The following MTRR variants were observed in gnomAD, a reference collection of about 807,000 sequenced individuals.
MTRR encodes the protein methionine synthase reductase.
MTRR carries 63 observed loss-of-function variants against 79.2 expected under a neutral mutation model. The observed-to-expected ratio is 0.80, with a 90% confidence interval of 0.65 to 0.98. MTRR has a LOEUF of 0.98. MTRR is among the 50% of genes least tolerant of loss of function. The pLI is 0.00. For synonymous variants in MTRR, 355 were observed against 313.3 expected (o/e 1.13, Z -1.41); for missense variants, 895 against 839.6 (o/e 1.07, Z -0.82).
intron 4 of MTRR, among the ~76,000 whole-genome samples, chr5:7,875,808 G>A (rs933538084): frequency 6.6e-6 from 1 of 152,366 alleles, no homozygotes; most frequent in Admixed American, 6.5e-5. Flanking sequence ...GGCCTTCGCT[G>A]CAGGCTGCAT....
Position 7,883,198 on chromosome 5 carries a change from A to G in MTRR, c.824A>G (p.Gln275Arg). The part of the protein sequence containing the change: ...VSVTSADPVF[Q>R]VPISKAVQLT... Reference sequence around the variant, plus strand: ...GTGACTTCAGCAGATCCAGTTTTTCAAGTGCCAATTTCAAAGGCAGTTCAA... The same window carrying G: ...GTGACTTCAGCAGATCCAGTTTTTCGAGTGCCAATTTCAAAGGCAGTTCAA... The change falls in exon 6 of 15, where the codon CAA becomes CGA. Residue 275 changes from glutamine (Q) to arginine (R), a missense_variant. Gln to Arg is a conservative substitution (Grantham distance 43). Coordinates refer to ENST00000440940, the MANE Select transcript of MTRR (RefSeq NM_002454.3). 6.2e-7 allele frequency: 1 copy of G among 1,614,256 alleles called. No homozygotes were observed. Among genetic ancestry groups the G allele is most frequent in the Non-Finnish European group, 8.5e-7 (1 of 1,180,038 alleles).
At chr5:7,867,959 C>T (rs2126620304), upstream of MTRR, 1 of 1,614,092 alleles carries the variant, frequency 6.2e-7, no homozygotes, top group East Asian at 2.2e-5. Flanking sequence ...CAACCAAGGG[C>T]ACAGACGCTC....
intron 14 of MTRR, among the ~76,000 whole-genome samples, chr5:7,898,409 G>C (rs1465234197): frequency 8.2e-6 from 1 of 122,044 alleles, no homozygotes; most frequent in African/African-American, 3.4e-5. Flanking sequence ...TCCAGAAATA[G>C]CTCCTCCCAA....
At chr5:7,868,943 G>A (rs555578280), upstream of MTRR, 12 of 691,866 alleles carry the variant, frequency 1.7e-5, no homozygotes, top group Middle Eastern at 3.8e-4. Context: ...ACACCCAGCC[G>A]GACCAACTGC....
chr5:7,899,813 A>T, intron 14 of MTRR, 101 bp from the exon 15 acceptor site: 1 of 1,435,880 alleles, frequency 7.0e-7, no homozygotes, highest in East Asian at 2.3e-5. Flanking sequence ...CGGAGGGAAG[A>T]ACTATGGTGG....
chr5:7,861,259 C>T, intron 1 of MTRR: 1 of 1,517,444 alleles, frequency 6.6e-7, no homozygotes, highest in Non-Finnish European at 8.9e-7. Flanking sequence ...ATACACAGTG[C>T]TATCCTGAAA....
intron 4 of MTRR, among the ~76,000 whole-genome samples, chr5:7,875,713 A>G (rs549388314): frequency 4.5e-4 from 69 of 152,312 alleles, no homozygotes; most frequent in African/African-American, 1.6e-3. Context: ...TCTCTCTGCC[A>G]TGCACGTGGA....
upstream of MTRR, among the ~76,000 whole-genome samples, chr5:7,865,669 C>T (rs942478470): frequency 6.6e-6 from 1 of 152,108 alleles, no homozygotes; most frequent in African/African-American, 2.4e-5. Flanking sequence ...ATGCCTGCAG[C>T]ACTTGATAAA....
Position 7,896,893 on chromosome 5 carries a change from G to T in MTRR, c.1706G>T (p.Gly569Val). 1 of 1,614,012 alleles carries T rather than the reference G, an allele frequency of 6.2e-7. No homozygotes were observed. Among genetic ancestry groups the T allele is most frequent in the Non-Finnish European group, 8.5e-7 (1 of 1,179,984 alleles). The change falls in exon 13 of 15, where the codon GGA (glycine) becomes GTA (valine). Residue 569 changes from glycine to valine, a missense_variant. By Grantham distance (109) the Gly-to-Val change is moderately radical (BLOSUM62 -3). Transcript: ENST00000440940. ...AAACTCCAAGAACAACACCCAGATGGAAATTTTGGAGCAATGTGGTTGTTT... is the reference window on the plus strand; with the variant it reads ...AAACTCCAAGAACAACACCCAGATGTAAATTTTGGAGCAATGTGGTTGTTT... ...REKLQEQHPD[G>V]NFGAMWLFFG...
intron 2 of MTRR, among the ~76,000 whole-genome samples, chr5:7,862,356 A>G (rs773188996): frequency 1.7e-4 from 26 of 152,184 alleles, no homozygotes; most frequent in Non-Finnish European, 3.4e-4. Flanking sequence ...ACATGTGGCT[A>G]CTGAGCACTT....
rs747621308 is a variant in MTRR, at chr5:7,883,189, C to A, written c.815C>A (p.Pro272Gln). The change falls in exon 6 of 15, where the codon CCA (proline) becomes CAA (glutamine). Residue 272 changes from proline (P) to glutamine (Q), a missense_variant. Coordinates refer to ENST00000440940, the MANE Select transcript of MTRR (RefSeq NM_002454.3). ...ESQVSVTSAD[P>Q]VFQVPISKAV... The stretch of plus-strand genomic sequence containing the variant: ...CAAGTATCTGTGACTTCAGCAGATC[C>A]AGTTTTTCAAGTGCCAATTTCAAAG... The A allele has an allele frequency of 6.2e-7, 1 of 1,614,204 alleles. No individual in the cohort carries two copies. The highest frequency in any genetic ancestry group is 1.7e-5 in the Admixed American group (1 of 60,028).
intron 12 of MTRR, chr5:7,896,346 A>G (rs1427797548): frequency 5.5e-6 from 1 of 183,380 alleles, no homozygotes; most frequent in Non-Finnish European, 1.1e-5. Flanking sequence ...ATATTTGTGA[A>G]GTAATGAGCA....
chr5:7,867,695 G>A (rs768954890), upstream of MTRR: 6 of 1,614,194 alleles, frequency 3.7e-6, no homozygotes. Context: ...AGCTCCTGCT[G>A]CCATAGTGTC....
At position 7,895,868 on chromosome 5, in the gene MTRR, G is replaced by A. The variant is rs1159899015; in HGVS notation, c.1676+16G>A. The A allele has an allele frequency of 6.2e-7, 1 of 1,613,622 alleles. No individual in the cohort carries two copies. ...TACAACATAGGTATGTTCTTTTTTTGGCTAATGGGAAAATGTATTCCTGAG... is the reference window on the plus strand; with the variant it reads ...TACAACATAGGTATGTTCTTTTTTTAGCTAATGGGAAAATGTATTCCTGAG... On this transcript the variant is annotated intron_variant, in intron 12 of 14. Transcript: ENST00000440940.
chr5:7,865,128 G>GA (rs982522239), upstream of MTRR, among the ~76,000 whole-genome samples: 18 of 151,756 alleles, frequency 1.2e-4, no homozygotes, highest in Admixed American at 2.6e-4. Flanking sequence ...CTTGAAAAGA[G>GA]AAAAAAAATA....
Position 7,873,418 on chromosome 5 carries a change from A to C in MTRR, c.175A>C (p.Thr59Pro). The change falls in exon 3 of 15, where the codon ACC (threonine) becomes CCC (proline). Residue 59 changes from threonine to proline, a missense_variant. Coordinates refer to ENST00000440940, the MANE Select transcript of MTRR (RefSeq NM_002454.3). ...AGCTCCTCTTGTTGTTGTGGTTTCT[A>C]CCACGGGCACCGGAGACCCACCCGA... Reference protein sequence around the residue: ...ETAPLVVVVSTTGTGDPPDTA... With the variant: ...ETAPLVVVVSPTGTGDPPDTA... 1.9e-6 allele frequency: 3 copies of C among 1,614,180 alleles called. No individual in the cohort carries two copies. The highest frequency in any genetic ancestry group is 2.5e-6 in the Non-Finnish European group (3 of 1,180,028).
rs755809077 is a variant in MTRR at position 7,885,789 on chromosome 5, T to C, written c.992T>C (p.Leu331Pro). Residue 331 changes from leucine to proline, a missense_variant, in exon 7 of 15, where the codon CTG becomes CCG. Physicochemically the swap from Leu to Pro is moderately conservative, Grantham distance 98. Transcript: ENST00000440940. Reference protein sequence around the residue: ...DSEVQSLLQRLQLEDKREHCV... With the variant: ...DSEVQSLLQRPQLEDKREHCV... ...GAGGTACAAAGCCTACTCCAAAGAC[T>C]GCAGCTTGAAGATAAAAGAGAGCAC... 6.2e-7 allele frequency: 1 copy of C among 1,614,096 alleles called. No individual in the cohort carries two copies. The highest frequency in any genetic ancestry group is 2.2e-5 in the East Asian group (1 of 44,874).
upstream of MTRR, chr5:7,865,777 A>G: frequency 1.4e-6 from 1 of 711,348 alleles, no homozygotes; most frequent in Non-Finnish European, 2.4e-6. Flanking sequence ...TCTGGTGGCA[A>G]CTGACTCCAA....
At chr5:7,884,778 T>C (rs1736145015) in intron 6 of MTRR, among the ~76,000 whole-genome samples, 1 of 152,196 alleles carries the variant, frequency 6.6e-6, no homozygotes, top group Non-Finnish European at 1.5e-5. Flanking sequence ...GCTCAACCGT[T>C]TATTTTATGA....
Sources: gnomAD v4.1 joint callset for allele counts (sites outside exome capture counted in the v4.1 genomes callset) on GRCh38, gnomAD v4.1.1 for gene constraint, MANE v1.5 for transcripts, NCBI Gene and HGNC (gene_info 2026-07-23, HGNC 2026-07-21) for gene names.